The following SYNJ2 variants were observed in gnomAD, a reference collection of about 807,000 sequenced individuals.
SYNJ2 encodes the protein polyphosphatidylinositol phosphatase SYNJ2.
SYNJ2 carries 116 observed loss-of-function variants against 141.3 expected under a neutral mutation model. The ratio of observed to expected loss-of-function variants is 0.82; its 90% CI spans 0.71 to 0.96. SYNJ2 has a LOEUF of 0.96. Ranked by LOEUF, SYNJ2 falls within the 40% of genes least tolerant of loss-of-function variation. The pLI is 0.00. For missense variants in SYNJ2, 1,873 were observed against 1,934.8 expected (o/e 0.97, Z 0.60); for synonymous variants, 745 against 777.7 (o/e 0.96, Z 0.70).
intron 18 of SYNJ2, 55 bp downstream of exon 18, chr6:158,078,336 C>A: frequency 8.1e-7 from 1 of 1,238,394 alleles, no homozygotes; most frequent in Non-Finnish European, 1.2e-6. Context: ...GCAGCGTCTC[C>A]CTCTCCGCAG....
At position 158,028,881 on chromosome 6, in the gene SYNJ2, G is replaced by A. The variant is rs1210651844; in HGVS notation, c.340G>A (p.Glu114Lys). The A allele has an allele frequency of 2.5e-6, 4 of 1,614,198 alleles. No homozygotes were observed. Among genetic ancestry groups the A allele is most frequent in the Admixed American group, 3.3e-5 (2 of 60,020 alleles). The change falls in exon 3 of 27, where the codon GAG becomes AAG. Residue 114 changes from glutamate (E) to lysine (K), a missense_variant. Coordinates refer to ENST00000355585, the MANE Select transcript of SYNJ2 (RefSeq NM_003898.4). Reference protein sequence around the residue: ...FYPLQEEAKEEERLIALKKIL... With the variant: ...FYPLQEEAKEKERLIALKKIL... ...CCCTCTTCAGGAAGAGGCCAAGGAG[G>A]AGGAACGCCTCATAGCTTTGAAGAA...
chr6:158,035,753 C>T (rs1258183653), intron 4 of SYNJ2, among the ~76,000 whole-genome samples: 1 of 152,074 alleles, frequency 6.6e-6, no homozygotes, highest in African/African-American at 2.4e-5. Context: ...AGCTTTTGCC[C>T]ATTCAGTATG....
intron 15 of SYNJ2, among the ~76,000 whole-genome samples, chr6:158,074,313 A>G (rs962960031): frequency 6.6e-5 from 10 of 152,176 alleles, no homozygotes; most frequent in Non-Finnish European, 1.3e-4. Context: ...AATGCTGGCC[A>G]TGTTGCTCTC....
At chr6:157,992,801 T>C (rs1458021666) in intron 1 of SYNJ2, among the ~76,000 whole-genome samples, 1 of 152,218 alleles carries the variant, frequency 6.6e-6, no homozygotes. Context: ...TAAATAGTAC[T>C]CCACTGTGTA....
intron 15 of SYNJ2, among the ~76,000 whole-genome samples, chr6:158,072,329 A>G (rs1006282861): frequency 6.6e-6 from 1 of 152,226 alleles, no homozygotes; most frequent in Non-Finnish European, 1.5e-5. Flanking sequence ...CGAACCGCAC[A>G]CTGCCCTCTC....
At chr6:158,081,610 T>C in intron 20 of SYNJ2, 100 bp downstream of exon 20, 1 of 236,806 alleles carries the variant, frequency 4.2e-6, no homozygotes. Context: ...TGTGCCTTTT[T>C]TTTTTTTTTT....
intron 1 of SYNJ2, among the ~76,000 whole-genome samples, chr6:158,000,064 CTTTT>C (rs58284240): frequency 1.2e-5 from 1 of 85,572 alleles, no homozygotes; most frequent in Non-Finnish European, 2.4e-5. Context: ...AGCCAAAAGG[CTTTT>C]TTTTTTTTTT....
intron 26 of SYNJ2, 23 bp from the exon 27 acceptor site, chr6:158,095,595 C>G (rs987762152): frequency 1.3e-6 from 2 of 1,565,196 alleles, no homozygotes; most frequent in African/African-American, 1.4e-5. Context: ...CTTATTTACA[C>G]TCTTTGTCCC....
intron 1 of SYNJ2, among the ~76,000 whole-genome samples, chr6:158,007,318 A>G (rs937457890): frequency 6.6e-6 from 1 of 152,128 alleles, no homozygotes; most frequent in East Asian, 1.9e-4. Context: ...GATCTTTCCA[A>G]CCAGATTTCT....
intron 18 of SYNJ2, among the ~76,000 whole-genome samples, chr6:158,080,366 T>C (rs146762016): frequency 0.01 from 1,522 of 151,952 alleles, 29 homozygotes; most frequent in African/African-American, 0.034. Context: ...TCCCAGCTAC[T>C]TGGGAAGCTG....
At position 157,986,881 on chromosome 6, in the gene SYNJ2, T is replaced by A. The variant is rs369143132; in HGVS notation, c.127+4793T>A. ...ATGAAAACGTGAATCTCCTAAAATT[T>A]AGTTTGTTTAAAGCCAGGCAAGATT... On this transcript the variant is annotated intron_variant, in intron 1 of 26. Transcript: ENST00000355585. 2.0e-4 allele frequency among the ~76,000 whole-genome samples: 30 copies of A among 152,306 alleles called. No homozygotes were observed. In the East Asian group the frequency reaches 3.3e-3, roughly 17 times the overall value.
intron 3 of SYNJ2, among the ~76,000 whole-genome samples, chr6:158,033,248 G>A (rs1339126390): frequency 6.6e-6 from 1 of 152,204 alleles, no homozygotes; most frequent in Non-Finnish European, 1.5e-5. Context: ...TGACACAGTG[G>A]TCCTGCTATT....
chr6:158,064,576 A>G (rs547639459), intron 9 of SYNJ2, 25 bp from the exon 10 acceptor site: 1 of 1,609,756 alleles, frequency 6.2e-7, no homozygotes, highest in East Asian at 2.2e-5. Context: ...GAAGCCAGTG[A>G]CAGCCATCCC....
At chr6:158,046,965 C>T (rs189078855) in intron 5 of SYNJ2, among the ~76,000 whole-genome samples, 1 of 152,148 alleles carries the variant, frequency 6.6e-6, no homozygotes, top group East Asian at 1.9e-4. Context: ...TTTCCTGCAA[C>T]TGAACCAAAC....
At chr6:158,052,283 A>G (rs182324490) in intron 5 of SYNJ2, among the ~76,000 whole-genome samples, 6 of 152,376 alleles carry the variant, frequency 3.9e-5, no homozygotes, top group Admixed American at 2.0e-4. Flanking sequence ...GGGAACTCCC[A>G]TATGTCCTTC....
rs1472484537 is a variant in SYNJ2 at position 158,096,743 on chromosome 6, T to A, written c.*379T>A. 10 of 163,916 alleles carry A rather than the reference T, an allele frequency of 6.1e-5. No homozygotes were observed. The Admixed American group carries it at 6.2e-4, about 10-fold the overall frequency. 10.2% of individuals were successfully genotyped at this position (163,916 alleles called of 1,614,324 possible). A position where few individuals can be genotyped will look rare whatever the true frequency, so the allele number is the denominator to read the frequency against. On this transcript the variant is annotated 3_prime_UTR_variant, in exon 27 of 27. Coordinates refer to ENST00000355585, the MANE Select transcript of SYNJ2 (RefSeq NM_003898.4). ...GATTTGTCTTTTGTTTTATTTGCAT[T>A]TTACAGATTTGGTATAACATTTTGG... is the stretch of plus-strand genomic sequence containing the variant.
intron 1 of SYNJ2, among the ~76,000 whole-genome samples, chr6:157,997,169 A>G (rs1205294275): frequency 6.6e-6 from 1 of 151,892 alleles, no homozygotes. Flanking sequence ...AAATTACCTT[A>G]TGTGTGTGCT....
intron 7 of SYNJ2, among the ~76,000 whole-genome samples, chr6:158,061,274 G>A (rs969810479): frequency 3.9e-5 from 6 of 152,230 alleles, no homozygotes; most frequent in Non-Finnish European, 8.8e-5. Flanking sequence ...CCTGGAAGCC[G>A]GGTGGCCTGG....
At position 158,081,332 on chromosome 6, in the gene SYNJ2, C is replaced by G; in HGVS notation, c.2786+5C>G. ...TGGGACAATTGTTCTTGTCAGGTAACTGCTCCCCTGGCTGATGTGGGTTCC... is the reference window on the plus strand; with the variant it reads ...TGGGACAATTGTTCTTGTCAGGTAAGTGCTCCCCTGGCTGATGTGGGTTCC... On this transcript the variant is annotated splice_donor_5th_base_variant and intron_variant, in intron 19 of 26. Transcript: ENST00000355585. 6.2e-7 allele frequency: 1 copy of G among 1,614,072 alleles called. No individual in the cohort carries two copies. The highest frequency in any genetic ancestry group is 8.5e-7 in the Non-Finnish European group (1 of 1,179,946).
Sources: gnomAD v4.1 joint callset for allele counts (sites outside exome capture counted in the v4.1 genomes callset) on GRCh38, gnomAD v4.1.1 for gene constraint, MANE v1.5 for transcripts, NCBI Gene and HGNC (gene_info 2026-07-23, HGNC 2026-07-21) for gene names.